NLRP9: variants seen among roughly 807,000 people sequenced by gnomAD.
The protein encoded by NLRP9 is NACHT, LRR and PYD domains-containing protein 9.
In NLRP9, 88 loss-of-function variants were observed where a neutral mutation model predicts 83.1. That is an observed-to-expected ratio of 1.06 (90% CI 0.89 to 1.26). The LOEUF (loss-of-function observed/expected upper bound fraction) is 1.26, where lower values mean the gene tolerates loss of function less well. Ranked by LOEUF, NLRP9 falls within the 50% of genes most tolerant of loss-of-function variation. The pLI is 0.00. For synonymous variants in NLRP9, 521 were observed against 447.6 expected, an observed-to-expected ratio of 1.16 and a Z score of -2.07; for missense variants, 1,308 against 1,179.3, an observed-to-expected ratio of 1.11 and a Z score of -1.60.
chr19:55,714,838 C>T (rs1043598923), intron 6 of NLRP9, among the ~76,000 whole-genome samples: 2 of 152,100 alleles, frequency 1.3e-5, no homozygotes, highest in Non-Finnish European at 2.9e-5. Context: ...TCTGGGGCCT[C>T]TTTTATAGGT....
intron 4 of NLRP9, among the ~76,000 whole-genome samples, chr19:55,723,619 T>C (rs1988299249): frequency 6.6e-6 from 1 of 151,136 alleles, no homozygotes; most frequent in African/African-American, 2.4e-5. Context: ...TCCTAGCTAC[T>C]TGAGAGGCTG....
intron 4 of NLRP9, among the ~76,000 whole-genome samples, chr19:55,723,641 T>C (rs1043173268): frequency 5.3e-5 from 8 of 150,370 alleles, no homozygotes; most frequent in Admixed American, 2.0e-4. Flanking sequence ...GGTGGGAGGA[T>C]TGCTTGAACC....
At chr19:55,712,095 AGCCAG>A (rs1987756013) in intron 7 of NLRP9, 125 bp from the exon 8 acceptor site, 1 of 952,206 alleles carries the variant, frequency 1.1e-6, no homozygotes, top group Non-Finnish European at 1.6e-6. Flanking sequence ...CGGGCTTCTC[AGCCAG>A]GACGATTGTG....
chr19:55,712,115 T>TG, intron 7 of NLRP9, 145 bp from the exon 8 acceptor site: 1 of 820,684 alleles, frequency 1.2e-6, no homozygotes, highest in Non-Finnish European at 1.9e-6. Context: ...ATTGTGCTCC[T>TG]GGGGGACGTA....
Position 55,733,005 on chromosome 19 carries a change from C to G in NLRP9, c.826G>C (p.Gly276Arg), listed in dbSNP as rs1467745880. ...LPESSLLIAL[G>R]KLAMQKHYFM... Reference sequence around the variant, plus strand: ...TAGTGTTTTTGCATAGCCAGTTTTCCTAATGCAATAAGGAGAGAGGATTCT... The same window carrying G: ...TAGTGTTTTTGCATAGCCAGTTTTCGTAATGCAATAAGGAGAGAGGATTCT... The change falls in exon 2 of 9, where the codon GGA (glycine) becomes CGA (arginine). Residue 276 changes from glycine (G) to arginine (R), a missense_variant. By Grantham distance (125) the Gly-to-Arg change is moderately radical. Transcript: ENST00000332836. The G allele has an allele frequency of 1.9e-6, 3 of 1,614,172 alleles. No homozygotes were observed. In the Admixed American group the frequency reaches 5.0e-5, roughly 27 times the overall value.
chr19:55,733,209 C>G lies in NLRP9; in HGVS notation c.622G>C (p.Glu208Gln). Residue 208 changes from glutamate to glutamine, a missense_variant, in exon 2 of 9, where the codon GAG becomes CAG. Transcript: ENST00000332836. Reference sequence around the variant, plus strand: ...ATGTCTTCGATCTTCTCTGAAGACTCCGGCCAGTCCCTAGAGAGGAGCTCC... The same window carrying G: ...ATGTCTTCGATCTTCTCTGAAGACTGCGGCCAGTCCCTAGAGAGGAGCTCC... The part of the protein sequence containing the change: ...LLELLSRDWP[E>Q]SSEKIEDIFS... 1 of 1,613,312 alleles carries G rather than the reference C, an allele frequency of 6.2e-7. No individual in the cohort carries two copies. Among genetic ancestry groups the G allele is most frequent in the Non-Finnish European group, 8.5e-7 (1 of 1,179,444 alleles).
At chr19:55,736,463 ACT>A (rs1988788547) in intron 1 of NLRP9, among the ~76,000 whole-genome samples, 1 of 152,196 alleles carries the variant, frequency 6.6e-6, no homozygotes, top group African/African-American at 2.4e-5. Flanking sequence ...CAAGTGAGAA[ACT>A]CTCAGTTCAG....
chr19:55,713,341 G>T (rs1021044700), intron 6 of NLRP9, among the ~76,000 whole-genome samples: 1 of 151,746 alleles, frequency 6.6e-6, no homozygotes, highest in Non-Finnish European at 1.5e-5. Context: ...GGGGACAGAT[G>T]AATAGTTAAT....
chr19:55,732,932 T>C lies in NLRP9; in HGVS notation c.899A>G (p.Glu300Gly). Residue 300 changes from glutamate to glycine, a missense_variant, in exon 2 of 9, where the codon GAA becomes GGA. Physicochemically the swap from Glu to Gly is moderately conservative, Grantham distance 98 (BLOSUM62 -2). Coordinates refer to ENST00000332836, the MANE Select transcript of NLRP9 (RefSeq NM_176820.4). ...GGAGAAATACGACTTCTTTTCAGAT[T>C]CACTGAATCCTAAGAGCTTTATGAG... ...PKLIKLLGFS[E>G]SEKKSYFSYF... 6.2e-7 allele frequency: 1 copy of C among 1,614,062 alleles called. No individual in the cohort carries two copies. The highest frequency in any genetic ancestry group is 1.3e-5 in the African/African-American group (1 of 75,046).
Position 55,711,955 on chromosome 19 carries a change from CG to C in NLRP9, c.2687del (p.Pro896ArgfsTer20), listed in dbSNP as rs754529879. The stretch of plus-strand genomic sequence containing the variant: ...TGTCGTCGCAGCAGGCACGGGTGAT[CG>C]GACACGTTTGCAGCCTGCAAAAGGG... ...KLECLGLQTCPITRACCDDIA... is the reference protein window; with the variant it reads ...KLECLGLQTCXITRACCDDIA... On this transcript the variant is annotated frameshift_variant, in exon 8 of 9. Transcript: ENST00000332836. LOFTEE classifies it high-confidence loss of function. 4 of 1,612,816 alleles carry C rather than the reference CG, an allele frequency of 2.5e-6. No individual in the cohort carries two copies. The highest frequency in any genetic ancestry group is 3.4e-6 in the Non-Finnish European group (4 of 1,179,832).
chr19:55,710,542 G>A (rs749921043), intron 8 of NLRP9, among the ~76,000 whole-genome samples: 3 of 152,072 alleles, frequency 2.0e-5, no homozygotes, highest in Non-Finnish European at 4.4e-5. Context: ...TGGATCCTTC[G>A]TGAATGGTTG....
rs1987553141 is a variant in NLRP9 at position 55,708,739 on chromosome 19, A to G, written c.*173T>C. ...ATATAGGACCGAGGCAAAGACAATC[A>G]GCATGTACACTGAATCACACTCCAT... On this transcript the variant is annotated 3_prime_UTR_variant, in exon 9 of 9. Transcript: ENST00000332836. The G allele has an allele frequency of 4.2e-6, 2 of 480,208 alleles. No homozygotes were observed. Among genetic ancestry groups the G allele is most frequent in the Non-Finnish European group, 7.4e-6 (2 of 270,078 alleles). 29.7% of individuals were successfully genotyped at this position (480,208 alleles called of 1,614,324 possible). A position where few individuals can be genotyped will look rare whatever the true frequency, so the allele number is the denominator to read the frequency against.
intron 1 of NLRP9, chr19:55,737,554 C>G (rs756150815): frequency 6.5e-6 from 1 of 154,596 alleles, no homozygotes; most frequent in Middle Eastern, 3.3e-3. Context: ...CCGGGACATA[C>G]GCTGTCTGAT....
chr19:55,732,730 T>C lies in NLRP9; in HGVS notation c.1101A>G (p.Leu367=). 6.2e-7 allele frequency: 1 copy of C among 1,614,130 alleles called. No individual in the cohort carries two copies. The highest frequency in any genetic ancestry group is 8.5e-7 in the Non-Finnish European group (1 of 1,180,012). The change falls in exon 2 of 9, where the codon TTA becomes TTG. Residue 367 remains leucine, a synonymous_variant. Transcript: ENST00000332836. ...LEINSQNTTY[L]YASFLTTVFK... ...ATACAGTTGTTAAAAAGGATGCATATAAATAGGTGGTGTTTTGGGAGTTTA... is the reference window on the plus strand; with the variant it reads ...ATACAGTTGTTAAAAAGGATGCATACAAATAGGTGGTGTTTTGGGAGTTTA...
rs777821005 is a variant in NLRP9 at position 55,733,195 on chromosome 19, C to T, written c.636G>A (p.Lys212=). 24 of 1,613,488 alleles carry T rather than the reference C, an allele frequency of 1.5e-5. No individual in the cohort carries two copies. Among genetic ancestry groups the T allele is most frequent in the Non-Finnish European group, 1.9e-5 (23 of 1,179,692 alleles). ...CTGGCTGGGAAAAAATGTCTTCGAT[C>T]TTCTCTGAAGACTCCGGCCAGTCCC... ...LSRDWPESSE[K]IEDIFSQPER... is the part of the protein sequence containing the mutation. Residue 212 remains lysine, a synonymous_variant, in exon 2 of 9, where the codon AAG becomes AAA. Transcript: ENST00000332836.
intron 7 of NLRP9, among the ~76,000 whole-genome samples, chr19:55,712,184 G>A (rs1360996523): frequency 6.6e-6 from 1 of 152,132 alleles, no homozygotes; most frequent in Non-Finnish European, 1.5e-5. Flanking sequence ...ATAGTGTCCA[G>A]GGGCGCTGCT....
chr19:55,729,038 A>ATTTTTC (rs1166075966), intron 3 of NLRP9, among the ~76,000 whole-genome samples: 5 of 105,948 alleles, frequency 4.7e-5, no homozygotes, highest in African/African-American at 7.7e-5. Context: ...TGCTTATCTT[A>ATTTTTC]TTTTTCTTTT....
Position 55,716,747 on chromosome 19 carries a change from AGT to A in NLRP9, c.2309_2310del (p.His770LeufsTer19), listed in dbSNP as rs776572685. ...TLLCEALKHSHCALERLMLMY... is the reference protein window; with the variant it reads ...TLLCEALKHSXCALERLMLMY... ...ACTTACATCAGCCTCTCCAGGGCAC[AGT>A]GTGAGTGCTTCAGGGCTTCACACAG... On this transcript the variant is annotated frameshift_variant, in exon 5 of 9. Transcript: ENST00000332836. LOFTEE classifies it high-confidence loss of function. The A allele has an allele frequency of 1.2e-6, 2 of 1,613,854 alleles. No individual in the cohort carries two copies. The highest frequency in any genetic ancestry group is 1.1e-5 in the South Asian group (1 of 91,082).
At position 55,713,312 on chromosome 19, in the gene NLRP9, A is replaced by AGATAGAGGACAGAG. The variant is rs368860759; in HGVS notation, c.2502-736_2502-723dup. ...TAATACAGATAGACAGAAAAATGGT[A>AGATAGAGGACAGAG]GATAGAGGACAGAGGATAGGGGACA... On this transcript the variant is annotated intron_variant, in intron 6 of 8. Coordinates refer to ENST00000332836, the MANE Select transcript of NLRP9 (RefSeq NM_176820.4). Among the ~76,000 whole-genome samples the AGATAGAGGACAGAG allele has an allele frequency of 1.2e-3, 178 of 151,908 alleles. 3 individuals carry two copies. The highest frequency in any genetic ancestry group is 6.4e-3 in the South Asian group (31 of 4,810).
Sources: allele counts gnomAD v4.1 joint callset (sites outside exome capture counted in the v4.1 genomes callset), GRCh38; gene constraint gnomAD v4.1.1; transcripts MANE v1.5; gene names NCBI Gene and HGNC (gene_info 2026-07-23, HGNC 2026-07-21).